IL18RAP: variants seen among roughly 807,000 people sequenced by gnomAD.
The protein encoded by IL18RAP is interleukin 18 receptor accessory protein.
A neutral mutation model predicts 58.1 loss-of-function variants in IL18RAP; 37 were observed. The ratio of observed to expected loss-of-function variants is 0.64; its 90% CI spans 0.49 to 0.84. The LOEUF (loss-of-function observed/expected upper bound fraction) is 0.84. IL18RAP is among the 40% of genes least tolerant of loss of function. The pLI, the probability that IL18RAP is intolerant of heterozygous loss-of-function variation, is 0.00. For missense variants in IL18RAP, 667 were observed against 704.8 expected, an observed-to-expected ratio of 0.95 and a Z score of 0.61; for synonymous variants, 268 against 257.5, an observed-to-expected ratio of 1.04 and a Z score of -0.39.
rs200951162 is a variant in IL18RAP, at chr2:102,443,340, C to T, written c.920+17C>T. On this transcript the variant is annotated intron_variant, in intron 6 of 9. Coordinates refer to ENST00000687160, the MANE Select transcript of IL18RAP (RefSeq NM_001393487.1). The stretch of plus-strand genomic sequence containing the variant: ...GGCGAAAAGGTAAGAAAAAAACTCA[C>T]GGATTCTGTTCTCTGCAATTCAGAA... 50 of 1,609,726 alleles carry T rather than the reference C, an allele frequency of 3.1e-5. No homozygotes were observed. Among genetic ancestry groups the T allele is most frequent in the Non-Finnish European group, 3.8e-5 (45 of 1,179,224 alleles).
At position 102,452,133 on chromosome 2, in the gene IL18RAP, C is replaced by T. The variant is rs1683812325; in HGVS notation, c.1752C>T (p.Leu584=). 1.2e-6 allele frequency: 2 copies of T among 1,613,508 alleles called. No homozygotes were observed. The highest frequency in any genetic ancestry group is 1.7e-6 in the Non-Finnish European group (2 of 1,179,782). The change falls in exon 10 of 10, where the codon CTC becomes CTT. Residue 584 remains leucine, a synonymous_variant. Coordinates refer to ENST00000687160, the MANE Select transcript of IL18RAP (RefSeq NM_001393487.1). ...ITSRIFQWKG[L]SRTETTGRSS... is the part of the protein sequence containing the mutation. The stretch of plus-strand genomic sequence containing the variant: ...CTAGGATTTTTCAGTGGAAAGGACT[C>T]AGTAGAACAGAAACCACTGGGAGGA...
intron 2 of IL18RAP, 47 bp from the exon 3 acceptor site, chr2:102,424,184 T>C: frequency 1.2e-6 from 2 of 1,608,928 alleles, no homozygotes; most frequent in South Asian, 2.2e-5. Flanking sequence ...AATCCTCTAT[T>C]ATCTAGACAA....
chr2:102,451,664 C>G, intron 9 of IL18RAP, 102 bp from the exon 10 acceptor site: 1 of 947,020 alleles, frequency 1.1e-6, no homozygotes, highest in Non-Finnish European at 1.6e-6. Flanking sequence ...GTAGAGTAAA[C>G]ATGTCTCCCT....
chr2:102,447,882 T>C (rs914801563), intron 8 of IL18RAP, among the ~76,000 whole-genome samples: 1 of 152,090 alleles, frequency 6.6e-6, no homozygotes, highest in Non-Finnish European at 1.5e-5. Context: ...AGGCATGCGC[T>C]ACCATGTCCA....
At chr2:102,435,019 A>C (rs1682639804) in intron 3 of IL18RAP, 1 of 152,248 alleles carries the variant, frequency 6.6e-6, no homozygotes, top group Non-Finnish European at 1.5e-5. Flanking sequence ...ATTAGTAAAA[A>C]AAAAATCTAT....
At chr2:102,444,825 A>C (rs1188723201) in intron 6 of IL18RAP, among the ~76,000 whole-genome samples, 1 of 152,192 alleles carries the variant, frequency 6.6e-6, no homozygotes, top group Non-Finnish European at 1.5e-5. Flanking sequence ...GGAGGACATT[A>C]GAGTCCATAT....
intron 5 of IL18RAP, 26 bp downstream of exon 5, chr2:102,441,403 A>G (rs772966994): frequency 6.3e-7 from 1 of 1,583,764 alleles, no homozygotes; most frequent in South Asian, 1.1e-5. Flanking sequence ...TCGCCTTTGA[A>G]TGACATCGTG....
At chr2:102,423,576 G>A (rs1320890654) in intron 1 of IL18RAP, among the ~76,000 whole-genome samples, 1 of 152,130 alleles carries the variant, frequency 6.6e-6, no homozygotes, top group Non-Finnish European at 1.5e-5. Context: ...AGCTGACGAG[G>A]GATGAGCCAG....
At chr2:102,422,435 A>G (rs1558632224), upstream of IL18RAP, among the ~76,000 whole-genome samples, 1 of 152,210 alleles carries the variant, frequency 6.6e-6, no homozygotes, top group Non-Finnish European at 1.5e-5. Flanking sequence ...CAGGCTTGTT[A>G]CAGATGCCCC....
rs1358423594 is a variant in IL18RAP, at chr2:102,451,004, A to T, written c.1367A>T (p.Asp456Val). The T allele has an allele frequency of 1.2e-6, 2 of 1,601,616 alleles. No homozygotes were observed. Among genetic ancestry groups the T allele is most frequent in the Admixed American group, 1.7e-5 (1 of 57,722 alleles). ...TATAGCCTGTGTTTGCTTGAAAGAG[A>T]TGTGGCTCCAGGAGGAGGTAAGTCC... Reference protein sequence around the residue: ...YGYSLCLLERDVAPGGVYAED... With the variant: ...YGYSLCLLERVVAPGGVYAED... The change falls in exon 9 of 10, where the codon GAT (aspartate) becomes GTT (valine). Residue 456 changes from aspartate (D) to valine (V), a missense_variant. Coordinates refer to ENST00000687160, the MANE Select transcript of IL18RAP (RefSeq NM_001393487.1).
At chr2:102,425,778 G>C (rs574204086) in intron 3 of IL18RAP, among the ~76,000 whole-genome samples, 2 of 152,218 alleles carry the variant, frequency 1.3e-5, no homozygotes, top group South Asian at 2.1e-4. Flanking sequence ...TGAAGTGAAA[G>C]CTATGAATTT....
At chr2:102,443,882 G>A (rs1316680757) in intron 6 of IL18RAP, among the ~76,000 whole-genome samples, 1 of 152,260 alleles carries the variant, frequency 6.6e-6, no homozygotes, top group African/African-American at 2.4e-5. Flanking sequence ...TTGGTTTGTT[G>A]CTCTCTGGAG....
At chr2:102,450,683 G>A (rs11123929) in intron 8 of IL18RAP, among the ~76,000 whole-genome samples, 165 bp from the exon 9 acceptor site, 37,484 of 151,934 alleles carry the variant, frequency 0.25, 4,995 homozygotes, top group East Asian at 0.4. Context: ...AATCAATACC[G>A]CTCAGTGGTA....
At chr2:102,425,581 G>A (rs1459440799) in intron 3 of IL18RAP, among the ~76,000 whole-genome samples, 2 of 151,950 alleles carry the variant, frequency 1.3e-5, no homozygotes, top group Admixed American at 1.3e-4. Flanking sequence ...TTAGTAAGAA[G>A]AGCCAATAGT....
At chr2:102,420,379 G>A (rs1681499776), upstream of IL18RAP, among the ~76,000 whole-genome samples, 1 of 152,194 alleles carries the variant, frequency 6.6e-6, no homozygotes, top group Non-Finnish European at 1.5e-5. Flanking sequence ...ATCTGCATTT[G>A]TAATAAGGGT....
At chr2:102,421,882 G>C (rs796654498), upstream of IL18RAP, among the ~76,000 whole-genome samples, 1 of 152,034 alleles carries the variant, frequency 6.6e-6, no homozygotes, top group Non-Finnish European at 1.5e-5. Flanking sequence ...ATGGTATCAG[G>C]GACCCCACTT....
intron 3 of IL18RAP, among the ~76,000 whole-genome samples, chr2:102,436,776 G>A (rs1019804993): frequency 2.0e-5 from 3 of 149,404 alleles, no homozygotes; most frequent in Middle Eastern, 3.5e-3. Flanking sequence ...TACAATATAT[G>A]TTATATATAT....
chr2:102,422,807 C>T (rs1681657332), upstream of IL18RAP, among the ~76,000 whole-genome samples: 2 of 152,116 alleles, frequency 1.3e-5, no homozygotes, highest in South Asian at 4.1e-4. Flanking sequence ...CTCTAGCTTT[C>T]CTAACCGTGA....
Position 102,452,286 on chromosome 2 carries a change from G to A in IL18RAP, c.*105G>A. On this transcript the variant is annotated 3_prime_UTR_variant, in exon 10 of 10. Coordinates refer to ENST00000687160, the MANE Select transcript of IL18RAP (RefSeq NM_001393487.1). ...TGTTCAGGCTGATAGGAAATTCAAAGAGTCTCCTGCCAGCACCAAGCAAGC... is the reference window on the plus strand; with the variant it reads ...TGTTCAGGCTGATAGGAAATTCAAAAAGTCTCCTGCCAGCACCAAGCAAGC... The A allele has an allele frequency of 8.8e-7, 1 of 1,138,132 alleles. No individual in the cohort carries two copies. Among genetic ancestry groups the A allele is most frequent in the Non-Finnish European group, 1.2e-6 (1 of 802,116 alleles). 70.5% of individuals were successfully genotyped at this position (1,138,132 alleles called of 1,614,324 possible). A position where few individuals can be genotyped will look rare whatever the true frequency, so the allele number is the denominator to read the frequency against.
Sources: gnomAD v4.1 joint callset for allele counts (sites outside exome capture counted in the v4.1 genomes callset) on GRCh38, gnomAD v4.1.1 for gene constraint, MANE v1.5 for transcripts, NCBI Gene and HGNC (gene_info 2026-07-23, HGNC 2026-07-21) for gene names.